MYLK4: variants seen among roughly 807,000 people sequenced by gnomAD.
The protein encoded by MYLK4 is myosin light chain kinase family member 4.
Under a neutral mutation model 48.1 loss-of-function variants are expected in MYLK4, and 46 were observed. The ratio of observed to expected loss-of-function variants is 0.96; its 90% CI spans 0.75 to 1.22. The LOEUF is 1.22. Ranked by LOEUF, MYLK4 falls within the 50% of genes most tolerant of loss-of-function variation. The pLI is 0.00. For missense variants in MYLK4, 451 were observed against 486.1 expected (o/e 0.93, Z 0.68); for synonymous variants, 170 against 180.8 (o/e 0.94, Z 0.48).
chr6:2,746,552 A>G (rs1764100365), intron 2 of MYLK4, among the ~76,000 whole-genome samples: 1 of 152,236 alleles, frequency 6.6e-6, no homozygotes, highest in Non-Finnish European at 1.5e-5. Flanking sequence ...ACTGGAGAGT[A>G]GTTCCAGACT....
At chr6:2,762,721 G>C in the MYLK4 span, among the ~76,000 whole-genome samples, 1 of 152,200 alleles carries the variant, frequency 6.6e-6, no homozygotes, top group Non-Finnish European at 1.5e-5. Context: ...ACTGTTAACA[G>C]TTCTTAAACA....
the MYLK4 span, among the ~76,000 whole-genome samples, chr6:2,762,910 CCA>C: frequency 1.3e-5 from 2 of 152,268 alleles, no homozygotes; most frequent in Non-Finnish European, 2.9e-5. Context: ...CTACAAGTCT[CCA>C]CAGTGAGTAT....
intron 2 of MYLK4, among the ~76,000 whole-genome samples, chr6:2,702,557 A>AGTGAAT (rs1762326899): frequency 6.6e-6 from 1 of 152,182 alleles, no homozygotes; most frequent in Admixed American, 6.5e-5. Context: ...CTGGAGGGAT[A>AGTGAAT]AGTTTTAGTG....
At chr6:2,765,084 C>T in the MYLK4 span, among the ~76,000 whole-genome samples, 2 of 151,954 alleles carry the variant, frequency 1.3e-5, no homozygotes, top group Non-Finnish European at 2.9e-5. Context: ...TCGCGCAGTC[C>T]GTGGCTCCTC....
intron 2 of MYLK4, among the ~76,000 whole-genome samples, chr6:2,703,949 G>A (rs1011096818): frequency 2.6e-5 from 4 of 152,174 alleles, no homozygotes; most frequent in Non-Finnish European, 5.9e-5. Context: ...GATTACAGGC[G>A]AATTCTTTCT....
the MYLK4 span, chr6:2,765,922 C>A: frequency 6.9e-7 from 1 of 1,452,162 alleles, no homozygotes; most frequent in Non-Finnish European, 9.1e-7. Context: ...AGGAGGGCGA[C>A]GACGGCGGCG....
rs568747023 is a variant in MYLK4, at chr6:2,729,437, A to T, written c.159+19699T>A. Among the ~76,000 whole-genome samples, 12 of 152,348 alleles carry T rather than the reference A, an allele frequency of 7.9e-5. No homozygotes were observed. The East Asian group carries it at 2.3e-3, about 29-fold the overall frequency. On this transcript the variant is annotated intron_variant, in intron 2 of 12. Coordinates refer to ENST00000274643, the MANE Select transcript of MYLK4 (RefSeq NM_001012418.5). ...GGCAAAGGAGCTCGCACCTCTCCAG[A>T]TACGCAACAAATAACTTTGGTTTGT...
rs1419437394 is a variant in MYLK4 at position 2,673,884 on chromosome 6, A to G, written c.1119+1163T>C. On this transcript the variant is annotated intron_variant, in intron 11 of 12. Coordinates refer to ENST00000274643, the MANE Select transcript of MYLK4 (RefSeq NM_001012418.5). The surrounding 1 kb of genome is among the most constrained non-coding windows in gnomAD (Gnocchi z 4.2). ...GAGGTAATTAGGGGATATCATGTACACAACATGGAGGTAAATTAAACATGA... is the reference window on the plus strand; with the variant it reads ...GAGGTAATTAGGGGATATCATGTACGCAACATGGAGGTAAATTAAACATGA... Among the ~76,000 whole-genome samples the G allele has an allele frequency of 6.6e-6, 1 of 152,218 alleles. No homozygotes were observed. Among genetic ancestry groups the G allele is most frequent in the East Asian group, 1.9e-4 (1 of 5,190 alleles).
At position 2,663,997 on chromosome 6, in the gene MYLK4, A is replaced by G. The variant is rs186131248; in HGVS notation, c.*3928T>C. The G allele has an allele frequency of 3.9e-5, 6 of 152,322 alleles. No homozygotes were observed. The highest frequency in any genetic ancestry group is 2.0e-4 in the Admixed American group (3 of 15,308). 9.4% of individuals were successfully genotyped at this position (152,322 alleles called of 1,614,324 possible). On this transcript the variant is annotated 3_prime_UTR_variant, in exon 13 of 13. Coordinates refer to ENST00000274643, the MANE Select transcript of MYLK4 (RefSeq NM_001012418.5). The stretch of plus-strand genomic sequence containing the variant: ...AGACCACTTATACAAAGCACAGCGC[A>G]CTAAAATGGAGCAAAAAGAAATATA...
At chr6:2,759,281 A>T in the MYLK4 span, among the ~76,000 whole-genome samples, 6 of 152,194 alleles carry the variant, frequency 3.9e-5, no homozygotes, top group South Asian at 1.2e-3. Context: ...TGTTTAAAAA[A>T]TTTTTGTAGA....
intron 2 of MYLK4, among the ~76,000 whole-genome samples, chr6:2,739,805 G>A (rs1355228736): frequency 6.6e-6 from 1 of 152,218 alleles, no homozygotes; most frequent in East Asian, 1.9e-4. Flanking sequence ...ACTGATAGCA[G>A]TACTAACATA....
At chr6:2,764,947 G>A in the MYLK4 span, among the ~76,000 whole-genome samples, 4 of 152,168 alleles carry the variant, frequency 2.6e-5, no homozygotes, top group Admixed American at 6.5e-5. Context: ...GAGGCTTTTG[G>A]GTTTTTTCCC....
intron 2 of MYLK4, among the ~76,000 whole-genome samples, chr6:2,710,756 C>A (rs1330826711): frequency 6.6e-6 from 1 of 152,196 alleles, no homozygotes; most frequent in Non-Finnish European, 1.5e-5. Context: ...CTAGACCAAA[C>A]CCCTGGTGTT....
chr6:2,726,325 G>A (rs1763274095), intron 2 of MYLK4, among the ~76,000 whole-genome samples: 1 of 152,202 alleles, frequency 6.6e-6, no homozygotes, highest in Non-Finnish European at 1.5e-5. Flanking sequence ...AAGGAGCCCA[G>A]GGCCAGCAGA....
chr6:2,722,144 A>T (rs1039016901), intron 2 of MYLK4, among the ~76,000 whole-genome samples: 3 of 152,240 alleles, frequency 2.0e-5, no homozygotes, highest in African/African-American at 7.2e-5. Flanking sequence ...ACTACTGTGG[A>T]ACAGAATAAA....
At chr6:2,719,197 C>G (rs1443393232) in intron 2 of MYLK4, among the ~76,000 whole-genome samples, 1 of 152,170 alleles carries the variant, frequency 6.6e-6, no homozygotes, top group East Asian at 1.9e-4. Context: ...ATTCCTGGAT[C>G]ACATCCACCC....
intron 4 of MYLK4, among the ~76,000 whole-genome samples, chr6:2,687,396 C>G (rs1350463260): frequency 1.3e-5 from 2 of 152,140 alleles, no homozygotes; most frequent in Non-Finnish European, 2.9e-5. Flanking sequence ...GTCTAGACTG[C>G]AGTACCAAAG....
the MYLK4 span, chr6:2,768,895 C>T: frequency 2.1e-4 from 332 of 1,596,102 alleles, 2 homozygotes; most frequent in African/African-American, 3.6e-3. Context: ...ATATTAACTT[C>T]CTTCTACCTT....
intron 2 of MYLK4, among the ~76,000 whole-genome samples, chr6:2,712,047 T>C (rs1221029401): frequency 6.6e-6 from 1 of 152,210 alleles, no homozygotes; most frequent in Non-Finnish European, 1.5e-5. Flanking sequence ...TTCTCATCTT[T>C]TGTTTTAAAG....
Sources: allele counts gnomAD v4.1 joint callset (sites outside exome capture counted in the v4.1 genomes callset), GRCh38; gene constraint gnomAD v4.1.1; non-coding constraint Gnocchi (gnomAD v3.1); transcripts MANE v1.5; gene names NCBI Gene and HGNC (gene_info 2026-07-23, HGNC 2026-07-21).